HHAT: variants seen among roughly 807,000 people sequenced by gnomAD.
HHAT encodes the protein protein-cysteine N-palmitoyltransferase HHAT.
In HHAT, 47 loss-of-function variants were observed where a neutral mutation model predicts 70.8. That is an observed-to-expected ratio of 0.66 (90% CI 0.53 to 0.85). The LOEUF (loss-of-function observed/expected upper bound fraction) is 0.85, where lower values mean the gene tolerates loss of function less well. HHAT is among the 40% of genes least tolerant of loss of function. The pLI is 0.00. For missense variants in HHAT, 609 were observed against 604.8 expected, an observed-to-expected ratio of 1.01 and a Z score of -0.07; for synonymous variants, 228 against 247.6, an observed-to-expected ratio of 0.92 and a Z score of 0.74.
At chr1:210,414,996 G>T (rs528072199) in intron 6 of HHAT, among the ~76,000 whole-genome samples, 15 of 152,214 alleles carry the variant, frequency 9.9e-5, no homozygotes, top group Admixed American at 8.5e-4. Context: ...TCCAGCCTGG[G>T]TGACAGAGTG....
intron 9 of HHAT, among the ~76,000 whole-genome samples, chr1:210,565,790 G>A (rs1654583897): frequency 6.6e-6 from 1 of 152,166 alleles, no homozygotes; most frequent in South Asian, 2.1e-4. Context: ...GCACCAGGAA[G>A]CATGTTTTCT....
chr1:210,374,842 T>G (rs535948968), intron 3 of HHAT, among the ~76,000 whole-genome samples: 56 of 151,668 alleles, frequency 3.7e-4, no homozygotes, highest in Non-Finnish European at 6.3e-4. Flanking sequence ...CCTGGGTATA[T>G]TGTGTGACGC....
chr1:210,518,542 C>T (rs1484412012), intron 9 of HHAT, among the ~76,000 whole-genome samples: 1 of 152,104 alleles, frequency 6.6e-6, no homozygotes, highest in Admixed American at 6.5e-5. Context: ...CCTGTAATCC[C>T]AGCACTTTGG....
At chr1:210,471,009 T>C (rs55966112) in intron 8 of HHAT, among the ~76,000 whole-genome samples, 8,773 of 152,228 alleles carry the variant, frequency 0.058, 817 homozygotes, top group African/African-American at 0.2. Flanking sequence ...TCATGTCTTA[T>C]TCTTGTTTAA....
At chr1:210,429,473 C>G (rs1572381246) in intron 7 of HHAT, among the ~76,000 whole-genome samples, 2 of 151,684 alleles carry the variant, frequency 1.3e-5, no homozygotes, top group East Asian at 3.9e-4. Context: ...ATAGAATGTC[C>G]CACACACTGG....
chr1:210,529,963 A>T (rs1414320742), intron 9 of HHAT, among the ~76,000 whole-genome samples: 1 of 152,196 alleles, frequency 6.6e-6, no homozygotes, highest in Non-Finnish European at 1.5e-5. Context: ...CAGACTGTAT[A>T]AATAAGCATG....
intron 3 of HHAT, among the ~76,000 whole-genome samples, chr1:210,383,669 C>T (rs947593197): frequency 6.6e-6 from 1 of 152,082 alleles, no homozygotes; most frequent in Non-Finnish European, 1.5e-5. Flanking sequence ...CCAGTTGGAA[C>T]AAATATATTA....
intron 8 of HHAT, among the ~76,000 whole-genome samples, chr1:210,497,370 G>C (rs1478743985): frequency 1.3e-5 from 2 of 152,154 alleles, no homozygotes; most frequent in Admixed American, 1.3e-4. Context: ...TCCTAAGCAG[G>C]CTAGAAGTCT....
intron 2 of HHAT, among the ~76,000 whole-genome samples, chr1:210,354,219 T>TC: frequency 1.4e-5 from 1 of 73,332 alleles, no homozygotes; most frequent in East Asian, 4.6e-4. Context: ...TTTTTTTTTT[T>TC]TTTGAGACAG....
rs1247735633 is a variant in HHAT at position 210,650,236 on chromosome 1, G to A, written c.1391-24052G>A. ...TTCTCATAATGGTTTTGTGAGTAGG[G>A]ATTGATAATCCTGGTTTTAAAGATG... On this transcript the variant is annotated intron_variant, in intron 11 of 11. Coordinates refer to ENST00000261458, the MANE Select transcript of HHAT (RefSeq NM_018194.6). Among the ~76,000 whole-genome samples, 4 of 152,196 alleles carry A rather than the reference G, an allele frequency of 2.6e-5. No homozygotes were observed. In the East Asian group the frequency reaches 5.8e-4, roughly 22 times the overall value.
intron 10 of HHAT, chr1:210,590,442 A>AG (rs2148794291): frequency 6.8e-6 from 1 of 147,374 alleles, no homozygotes; most frequent in East Asian, 2.1e-4. Context: ...GTAGGGGGAT[A>AG]GGGATGACGG....
At chr1:210,633,082 A>G (rs1349617518) in intron 11 of HHAT, among the ~76,000 whole-genome samples, 2 of 152,208 alleles carry the variant, frequency 1.3e-5, no homozygotes, top group African/African-American at 2.4e-5. Flanking sequence ...CTGTGGTTCT[A>G]AGCCACCTGG....
chr1:210,651,859 G>A (rs1207857854), intron 11 of HHAT, among the ~76,000 whole-genome samples: 4 of 152,232 alleles, frequency 2.6e-5, no homozygotes, highest in African/African-American at 7.2e-5. Flanking sequence ...CTAGGCCAGG[G>A]CTTGGTTGTC....
intron 9 of HHAT, among the ~76,000 whole-genome samples, chr1:210,578,295 A>G (rs549697920): frequency 2.4e-4 from 36 of 152,196 alleles, no homozygotes; most frequent in Non-Finnish European, 7.3e-5. Flanking sequence ...ATGAGATATC[A>G]CTTCATATGT....
At chr1:210,465,211 C>A (rs116054397) in intron 8 of HHAT, among the ~76,000 whole-genome samples, 4,188 of 152,298 alleles carry the variant, frequency 0.027, 94 homozygotes, top group South Asian at 0.047. Context: ...TTAGCTTTAA[C>A]ACTTGTGTTA....
intron 9 of HHAT, among the ~76,000 whole-genome samples, chr1:210,575,440 C>T (rs1416559912): frequency 6.6e-6 from 1 of 151,986 alleles, no homozygotes; most frequent in Non-Finnish European, 1.5e-5. Context: ...CTCCTTTGCC[C>T]AAACCTCCAA....
chr1:210,464,876 C>T (rs981997442), intron 8 of HHAT, among the ~76,000 whole-genome samples: 1 of 151,326 alleles, frequency 6.6e-6, no homozygotes, highest in South Asian at 2.1e-4. Context: ...AAGAAAGTTT[C>T]TTTCTGAGTC....
intron 2 of HHAT, among the ~76,000 whole-genome samples, chr1:210,350,652 TC>T (rs1404721548): frequency 6.6e-6 from 1 of 152,258 alleles, no homozygotes; most frequent in Non-Finnish European, 1.5e-5. Flanking sequence ...CAGGAGTTTT[TC>T]TGTCAGTTCT....
intron 9 of HHAT, among the ~76,000 whole-genome samples, chr1:210,532,822 C>G (rs2095328830): frequency 6.6e-6 from 1 of 152,080 alleles, no homozygotes; most frequent in South Asian, 2.1e-4. Context: ...GTTAGAAATG[C>G]CAGAGCACAA....
Sources: gnomAD v4.1 joint callset for allele counts (sites outside exome capture counted in the v4.1 genomes callset) on GRCh38, gnomAD v4.1.1 for gene constraint, MANE v1.5 for transcripts, NCBI Gene and HGNC (gene_info 2026-07-23, HGNC 2026-07-21) for gene names.